The following CECR2 variants were observed in gnomAD, a reference collection of about 807,000 sequenced individuals.
CECR2 encodes chromatin remodeling regulator CECR2.
A neutral mutation model predicts 154.5 loss-of-function variants in CECR2; 30 were observed. The observed-to-expected ratio is 0.19, with a 90% confidence interval of 0.15 to 0.26. CECR2 has a LOEUF of 0.26. CECR2 is among the 10% of genes least tolerant of loss of function. The probability of loss-of-function intolerance (pLI) is 1.00; values close to 1 mark genes in which losing one functional copy is unlikely to be tolerated. For synonymous variants in CECR2, 725 were observed against 683.7 expected, an observed-to-expected ratio of 1.06 and a Z score of -0.94; for missense variants, 1,743 against 1,829.3, an observed-to-expected ratio of 0.95 and a Z score of 0.86.
intron 1 of CECR2, among the ~76,000 whole-genome samples, chr22:17,362,854 A>G (rs936898666): frequency 1.1e-4 from 15 of 139,872 alleles, no homozygotes; most frequent in Admixed American, 6.9e-4. Context: ...GTGAGCCGAG[A>G]TTGTGCCACT....
chr22:17,507,945 T>G (rs2055876482), intron 7 of CECR2, among the ~76,000 whole-genome samples: 1 of 152,192 alleles, frequency 6.6e-6, no homozygotes, highest in African/African-American at 2.4e-5. Flanking sequence ...TAAAGTTTTC[T>G]AAACCTTCAA....
chr22:17,370,248 C>G (rs1312978631), intron 1 of CECR2, among the ~76,000 whole-genome samples: 78 of 147,490 alleles, frequency 5.3e-4, no homozygotes, highest in African/African-American at 1.9e-3. Context: ...TGGGTGTGGG[C>G]GCGAGGGCTG....
intron 3 of CECR2, among the ~76,000 whole-genome samples, chr22:17,498,273 C>G (rs2055668593): frequency 6.6e-6 from 1 of 152,134 alleles, no homozygotes; most frequent in African/African-American, 2.4e-5. Flanking sequence ...CGCCTGTAGT[C>G]CCAGCTACTC....
In CECR2 at chr22:17,481,101, T is replaced by C. The variant is rs549884155; in HGVS notation, c.221+3419T>C. Among the ~76,000 whole-genome samples, 555 of 146,236 alleles carry C rather than the reference T, an allele frequency of 3.8e-3. 4 individuals carry two copies. Among genetic ancestry groups the C allele is most frequent in the Non-Finnish European group, 6.6e-3 (442 of 66,814 alleles). Reference sequence around the variant, plus strand: ...CCTCACGCCTGTAATCCCAGCACTTTGGGAGGTGGAGGCGGGCAGATCACG... The same window carrying C: ...CCTCACGCCTGTAATCCCAGCACTTCGGGAGGTGGAGGCGGGCAGATCACG... On this transcript the variant is annotated intron_variant, in intron 2 of 18. Transcript: ENST00000262608.
chr22:17,471,435 G>T (rs778218316), intron 1 of CECR2, among the ~76,000 whole-genome samples: 1 of 152,184 alleles, frequency 6.6e-6, no homozygotes. Context: ...AATCAAAATG[G>T]ATTAAACAAA....
intron 1 of CECR2, among the ~76,000 whole-genome samples, chr22:17,437,503 G>A (rs5992709): frequency 0.3 from 45,198 of 151,752 alleles, 9,762 homozygotes; most frequent in African/African-American, 0.58. Flanking sequence ...ACTCACATAC[G>A]TACACTTCCT....
rs2056672049 is a variant in CECR2, at chr22:17,549,457, T to TCGCTGCCAGGAAGAAGGCCTGGGTCAC, written c.4171_4197dup (p.Arg1391_His1399dup). The TCGCTGCCAGGAAGAAGGCCTGGGTCAC allele has an allele frequency of 1.2e-5, 20 of 1,612,018 alleles. No homozygotes were observed. The highest frequency in any genetic ancestry group is 1.7e-5 in the Non-Finnish European group (20 of 1,179,116). On this transcript the variant is annotated inframe_insertion, in exon 17 of 19. Coordinates refer to ENST00000262608, the MANE Select transcript of CECR2 (RefSeq NM_001290047.2). ...GCCTCTCTCAGGAGGGTCCCATCTA[T>TCGCTGCCAGGAAGAAGGCCTGGGTCAC]CGCTGCCAGGAAGAAGGCCTGGGTC...
At chr22:17,511,580 T>C (rs1048831340) in intron 7 of CECR2, among the ~76,000 whole-genome samples, 1 of 152,042 alleles carries the variant, frequency 6.6e-6, no homozygotes, top group East Asian at 1.9e-4. Flanking sequence ...ATACATATTA[T>C]AAAAGACACT....
intron 16 of CECR2, among the ~76,000 whole-genome samples, chr22:17,545,395 AAAG>A (rs1231832688): frequency 2.6e-5 from 4 of 151,434 alleles, no homozygotes; most frequent in East Asian, 1.9e-4. Context: ...AAAAAAAAAA[AAAG>A]AAATGCCGTT....
intron 2 of CECR2, among the ~76,000 whole-genome samples, chr22:17,496,486 C>T (rs1358469972): frequency 1.4e-5 from 2 of 148,144 alleles, no homozygotes; most frequent in African/African-American, 2.5e-5. Flanking sequence ...GGTGACAGAG[C>T]GAGACTCTGT....
intron 1 of CECR2, among the ~76,000 whole-genome samples, chr22:17,399,210 C>T (rs1330651978): frequency 1.3e-5 from 2 of 152,120 alleles, no homozygotes; most frequent in Non-Finnish European, 1.5e-5. Flanking sequence ...GCCAGATGCC[C>T]ATCCTGGCTT....
At position 17,364,342 on chromosome 22, in the gene CECR2, C is replaced by CAAAAAAAAAAA. The variant is rs59134897; in HGVS notation, c.-364+4329_-364+4339dup. Among the ~76,000 whole-genome samples the CAAAAAAAAAAA allele has an allele frequency of 1.7e-3, 89 of 52,820 alleles. 1 individual carries two copies. Among genetic ancestry groups the CAAAAAAAAAAA allele is most frequent in the Admixed American group, 2.8e-3 (11 of 3,948 alleles). The allele number at this position is 52,820 out of a possible 152,430, so 34.7% of individuals were successfully genotyped here. A position where few individuals can be genotyped will look rare whatever the true frequency, so the allele number is the denominator to read the frequency against. On this transcript the variant is annotated intron_variant, in intron 1 of 18. Transcript: ENST00000400585. ...TGGACGACAGAGCAAGACTCTGTCT[C>CAAAAAAAAAAA]AAAAAAAAAAAAAAAAAAAAGAATT... is the stretch of plus-strand genomic sequence containing the variant.
At chr22:17,511,992 T>G (rs972874385) in intron 8 of CECR2, 96 bp downstream of exon 8, 5 of 898,556 alleles carry the variant, frequency 5.6e-6, no homozygotes, top group Non-Finnish European at 5.0e-6. Flanking sequence ...TTTTCCTTCA[T>G]TTTTTTTCCT....
chr22:17,417,326 G>GA (rs80044932), intron 1 of CECR2, among the ~76,000 whole-genome samples: 30,282 of 151,984 alleles, frequency 0.2, 4,126 homozygotes, highest in African/African-American at 0.39. Flanking sequence ...TAAAAAGGGA[G>GA]AAAAAATAAT....
At chr22:17,466,584 A>G (rs2055036118) in intron 1 of CECR2, among the ~76,000 whole-genome samples, 1 of 149,084 alleles carries the variant, frequency 6.7e-6, no homozygotes, top group Non-Finnish European at 1.5e-5. Flanking sequence ...CACTATTGTT[A>G]CTTAAAACCT....
chr22:17,499,114 C>T (rs9617588), intron 3 of CECR2, among the ~76,000 whole-genome samples: 70,052 of 151,696 alleles, frequency 0.46, 17,306 homozygotes, highest in Middle Eastern at 0.66. Context: ...CTCAGCCTCC[C>T]GAGTAGCTGG....
intron 2 of CECR2, among the ~76,000 whole-genome samples, chr22:17,480,765 C>T (rs1018821384): frequency 1.3e-5 from 2 of 152,104 alleles, no homozygotes; most frequent in East Asian, 3.9e-4. Context: ...TTCGGCCGGG[C>T]GCAGTGGCTC....
chr22:17,459,456 C>G (rs1355149140), intron 1 of CECR2, among the ~76,000 whole-genome samples: 1 of 151,930 alleles, frequency 6.6e-6, no homozygotes, highest in Non-Finnish European at 1.5e-5. Context: ...AACGCCCAGC[C>G]AATTTTTTGT....
At chr22:17,368,620 CT>C (rs1262422722), upstream of CECR2, among the ~76,000 whole-genome samples, 1 of 152,190 alleles carries the variant, frequency 6.6e-6, no homozygotes, top group Non-Finnish European at 1.5e-5. Context: ...TGGGGGTCTC[CT>C]CCCCTCCGAG....
Sources: allele counts gnomAD v4.1 joint callset (sites outside exome capture counted in the v4.1 genomes callset), GRCh38; gene constraint gnomAD v4.1.1; transcripts MANE v1.5; gene names NCBI Gene and HGNC (gene_info 2026-07-23, HGNC 2026-07-21).